The following B4GALT2 variants were observed in gnomAD, a reference collection of about 807,000 sequenced individuals.
B4GALT2 encodes beta-1,4-galactosyltransferase 2.
B4GALT2 carries 18 observed loss-of-function variants against 33.2 expected under a neutral mutation model. The ratio of observed to expected loss-of-function variants is 0.54; its 90% CI spans 0.38 to 0.80. The LOEUF is 0.80. Among genes scored for constraint, B4GALT2 ranks in the 30% least tolerant of loss-of-function variants. The pLI is 0.00. For missense variants in B4GALT2, 404 were observed against 526.2 expected, an observed-to-expected ratio of 0.77 and a Z score of 2.27; for synonymous variants, 214 against 217.6, an observed-to-expected ratio of 0.98 and a Z score of 0.15.
At chr1:43,983,845 A>G (rs1222722133) in intron 3 of B4GALT2, among the ~76,000 whole-genome samples, 1 of 152,062 alleles carries the variant, frequency 6.6e-6, no homozygotes, top group Admixed American at 6.5e-5. Flanking sequence ...AGAGGGAGAG[A>G]AGAGAGCTGG....
intron 5 of B4GALT2, 52 bp downstream of exon 5, chr1:43,985,452 G>C (rs75761202): frequency 9.5e-6 from 8 of 846,356 alleles, no homozygotes; most frequent in African/African-American, 2.0e-5. Context: ...GAGGGGGGGT[G>C]CAGACTGGGT....
intron 4 of B4GALT2, 89 bp downstream of exon 4, chr1:43,985,144 G>A: frequency 6.3e-7 from 1 of 1,575,858 alleles, no homozygotes; most frequent in Non-Finnish European, 8.6e-7. Context: ...CTTGCTCCTG[G>A]CTGTGGCCCA....
chr1:43,981,054 G>T lies in B4GALT2; in HGVS notation c.-52-55G>T. 2.7e-6 allele frequency: 4 copies of T among 1,477,706 alleles called. No homozygotes were observed. In the Middle Eastern group the frequency reaches 7.2e-4, roughly 267 times the overall value. 91.5% of individuals were successfully genotyped at this position (1,477,706 alleles called of 1,614,324 possible). A position where few individuals can be genotyped will look rare whatever the true frequency, so the allele number is the denominator to read the frequency against. ...CAGCTGAGTGGGAGGTAGGTGGGCAGCCTTGCCTGTCCTGCCCTGACCTGC... is the reference window on the plus strand; with the variant it reads ...CAGCTGAGTGGGAGGTAGGTGGGCATCCTTGCCTGTCCTGCCCTGACCTGC... On this transcript the variant is annotated intron_variant, in intron 1 of 6. Transcript: ENST00000372324. The surrounding 1 kb of genome is among the most constrained non-coding windows in gnomAD (Gnocchi z 8.1).
chr1:43,990,230 G>C (rs1239090398), intron 6 of B4GALT2, 68 bp from the exon 7 acceptor site: 1 of 1,587,288 alleles, frequency 6.3e-7, no homozygotes, highest in Admixed American at 1.7e-5. Context: ...AGTTGGTTGG[G>C]GGGTGTAGGA....
In B4GALT2 at chr1:43,981,259, C is replaced by T. The variant is rs1227901437; in HGVS notation, c.99C>T (p.Asp33=). ...TCGTGGCCGTCATCCTCTACTTTGA[C>T]GTCTACGCCCAGCACCTGGCCTTCT... ...HFLVAVILYF[D]VYAQHLAFFS... Residue 33 remains aspartate (D), a synonymous_variant, in exon 2 of 7, where the codon GAC becomes GAT. Transcript: ENST00000372324. The surrounding 1 kb of genome is among the most constrained non-coding windows in gnomAD (Gnocchi z 8.1). The T allele has an allele frequency of 2.6e-5, 42 of 1,606,690 alleles. No individual in the cohort carries two copies. The highest frequency in any genetic ancestry group is 3.6e-5 in the Non-Finnish European group (42 of 1,179,906).
Position 43,990,397 on chromosome 1 carries a change from C to T in B4GALT2, c.1068C>T (p.Thr356=). The T allele has an allele frequency of 6.2e-7, 1 of 1,614,100 alleles. No individual in the cohort carries two copies. Among genetic ancestry groups the T allele is most frequent in the Admixed American group, 1.7e-5 (1 of 60,020 alleles). ...AGGTGTCTCGGCAACCACTCTTCACCAATATCACAGTGGACATTGGGCGGC... is the reference window on the plus strand; with the variant it reads ...AGGTGTCTCGGCAACCACTCTTCACTAATATCACAGTGGACATTGGGCGGC... ...VLEVSRQPLF[T]NITVDIGRPP... The change falls in exon 7 of 7, where the codon ACC becomes ACT. Residue 356 remains threonine, a synonymous_variant. Coordinates refer to ENST00000372324, the MANE Select transcript of B4GALT2 (RefSeq NM_003780.5).
chr1:43,990,166 A>G, intron 6 of B4GALT2, 132 bp from the exon 7 acceptor site: 1 of 1,156,938 alleles, frequency 8.6e-7, no homozygotes, highest in East Asian at 2.4e-5. Context: ...TCATAGCTGG[A>G]AACCCTGTTT....
At chr1:43,990,163 TG>T in intron 6 of B4GALT2, 134 bp from the exon 7 acceptor site, 2 of 1,132,300 alleles carry the variant, frequency 1.8e-6, no homozygotes, top group Non-Finnish European at 2.5e-6. Flanking sequence ...CCATCATAGC[TG>T]GAAACCCTGT....
chr1:43,988,526 G>A (rs2085685480), intron 6 of B4GALT2, among the ~76,000 whole-genome samples: 1 of 151,968 alleles, frequency 6.6e-6, no homozygotes. Context: ...TGGGTGTGGT[G>A]GTGGGCGCCT....
In B4GALT2 at chr1:43,979,975, G is replaced by T; in HGVS notation, c.-53+464G>T. 1.3e-6 allele frequency: 2 copies of T among 1,528,668 alleles called. No homozygotes were observed. The highest frequency in any genetic ancestry group is 1.7e-6 in the Non-Finnish European group (2 of 1,143,284). The allele number at this position is 1,528,668 out of a possible 1,614,324, so 94.7% of individuals were successfully genotyped here. A position where few individuals can be genotyped will look rare whatever the true frequency, so the allele number is the denominator to read the frequency against. ...GGAGGGAGGGTGGGAATGTCTGCAC[G>T]TGGGTCTGGGTGTGAGCTGTCTGAG... On this transcript the variant is annotated intron_variant, in intron 1 of 6. Transcript: ENST00000372324. This position sits in a 1 kb window ranked among gnomAD's most constrained non-coding sequence, Gnocchi z 4.8.
chr1:43,984,082 T>G lies in B4GALT2; in HGVS notation c.550-783T>G, dbSNP rs760135358. ...GCTCCCTGCTAGTCCTAGTCCAGAG[T>G]CTGGTGCTTAGGCCTACATGGCCAG... On this transcript the variant is annotated intron_variant, in intron 3 of 6. Coordinates refer to ENST00000372324, the MANE Select transcript of B4GALT2 (RefSeq NM_003780.5). The surrounding 1 kb of genome is among the most constrained non-coding windows in gnomAD (Gnocchi z 5.6). Among the ~76,000 whole-genome samples the G allele has an allele frequency of 6.6e-6, 1 of 152,148 alleles. No homozygotes were observed. Among genetic ancestry groups the G allele is most frequent in the Non-Finnish European group, 1.5e-5 (1 of 68,024 alleles).
chr1:43,980,250 A>G, intron 1 of B4GALT2: 1 of 537,778 alleles, frequency 1.9e-6, no homozygotes, highest in South Asian at 3.2e-5. Context: ...CCCAGGCAAG[A>G]CCCCCTTCCT....
chr1:43,980,092 G>T (rs2154303146), intron 1 of B4GALT2: 2 of 1,454,958 alleles, frequency 1.4e-6, no homozygotes, highest in South Asian at 1.4e-5. Flanking sequence ...GTGTGTCTGT[G>T]ACTGTAGTTC....
At chr1:43,988,678 G>A (rs370290872) in intron 6 of B4GALT2, among the ~76,000 whole-genome samples, 9 of 151,152 alleles carry the variant, frequency 6.0e-5, no homozygotes, top group East Asian at 3.9e-4. Context: ...AAAAGAGAGC[G>A]TCTCAAAAAA....
chr1:43,985,940 G>C, intron 6 of B4GALT2: 1 of 393,208 alleles, frequency 2.5e-6, no homozygotes, highest in Non-Finnish European at 4.8e-6. Flanking sequence ...ATTCCTATTG[G>C]TGCCCTCGAA....
In B4GALT2 at chr1:43,990,346, T is replaced by C. The variant is rs199921897; in HGVS notation, c.1017T>C (p.Ile339=). 181 of 1,614,042 alleles carry C rather than the reference T, an allele frequency of 1.1e-4. No individual in the cohort carries two copies. The highest frequency in any genetic ancestry group is 1.5e-4 in the Non-Finnish European group (178 of 1,180,018). ...NTKLTMKRDG[I]GSVRYQVLEV... is the part of the protein sequence containing the mutation. ...AGCTGACCATGAAGCGGGACGGCAT[T>C]GGGTCAGTGCGGTACCAGGTCTTGG... Residue 339 remains isoleucine (I), a synonymous_variant, in exon 7 of 7, where the codon ATT becomes ATC. Transcript: ENST00000372324.
At chr1:43,988,661 CTCTCAAAAAAGAGAGCG>C (rs1309771932) in intron 6 of B4GALT2, among the ~76,000 whole-genome samples, 10 of 151,800 alleles carry the variant, frequency 6.6e-5, no homozygotes, top group Non-Finnish European at 1.3e-4. Context: ...CAGAGCAAGA[CTCTCAAAAAAGAGAGCG>C]TCTCAAAAAA....
chr1:43,987,405 C>T (rs980981429), intron 6 of B4GALT2, among the ~76,000 whole-genome samples: 1 of 152,130 alleles, frequency 6.6e-6, no homozygotes, highest in African/African-American at 2.4e-5. Context: ...CCTTTAGGCC[C>T]TTCTCCCAGC....
At position 43,990,640 on chromosome 1, in the gene B4GALT2, C is replaced by T. The variant is rs1477761882; in HGVS notation, c.*192C>T. On this transcript the variant is annotated 3_prime_UTR_variant, in exon 7 of 7. Coordinates refer to ENST00000372324, the MANE Select transcript of B4GALT2 (RefSeq NM_003780.5). ...TTGGGGGGCCTCCTGCCTGGGCAGG[C>T]TCTTCAAGTGTGGCCCTCTTTGGAG... 3.7e-5 allele frequency: 28 copies of T among 747,650 alleles called. No homozygotes were observed. The highest frequency in any genetic ancestry group is 3.1e-4 in the South Asian group (17 of 54,726). 46.3% of individuals were successfully genotyped at this position (747,650 alleles called of 1,614,324 possible).
Sources: allele counts gnomAD v4.1 joint callset (sites outside exome capture counted in the v4.1 genomes callset), GRCh38; gene constraint gnomAD v4.1.1; non-coding constraint Gnocchi (gnomAD v3.1); transcripts MANE v1.5; gene names NCBI Gene and HGNC (gene_info 2026-07-23, HGNC 2026-07-21).